Variants in CLSTN2 observed in about 807,000 individuals in gnomAD.
CLSTN2 encodes calsyntenin 2, also known as calsyntenin-2.
Under a neutral mutation model 101.2 loss-of-function variants are expected in CLSTN2, and 48 were observed. The observed-to-expected ratio is 0.47, with a 90% CI of 0.38 to 0.60. The LOEUF is 0.60. Among genes scored for constraint, CLSTN2 ranks in the 20% least tolerant of loss-of-function variants. CLSTN2 has a pLI of 0.00. For missense variants in CLSTN2, 1,160 were observed against 1,238.2 expected, an observed-to-expected ratio of 0.94 and a Z score of 0.95; for synonymous variants, 481 against 463.6, an observed-to-expected ratio of 1.04 and a Z score of -0.48.
intron 1 of CLSTN2, among the ~76,000 whole-genome samples, chr3:140,105,018 G>A (rs1027935744): frequency 1.3e-5 from 2 of 152,126 alleles, no homozygotes; most frequent in African/African-American, 2.4e-5. Context: ...AATTTATGGT[G>A]GTAATATAGA....
intron 1 of CLSTN2, among the ~76,000 whole-genome samples, chr3:140,106,352 T>G (rs1297716758): frequency 6.6e-6 from 1 of 152,182 alleles, no homozygotes; most frequent in Non-Finnish European, 1.5e-5. Context: ...AAGAAAGGCT[T>G]CTTCCCATTG....
intron 1 of CLSTN2, among the ~76,000 whole-genome samples, chr3:140,047,546 A>C (rs2007905357): frequency 6.6e-6 from 1 of 152,178 alleles, no homozygotes; most frequent in Admixed American, 6.5e-5. Context: ...GTTGCTTGTA[A>C]TAGAATTCCT....
At chr3:140,480,706 G>C (rs1274126094) in intron 8 of CLSTN2, among the ~76,000 whole-genome samples, 1 of 152,158 alleles carries the variant, frequency 6.6e-6, no homozygotes, top group Non-Finnish European at 1.5e-5. Context: ...GTGATGATGA[G>C]CATTTTTTCA....
At chr3:139,950,544 A>T (rs1395537981) in intron 1 of CLSTN2, among the ~76,000 whole-genome samples, 1 of 152,230 alleles carries the variant, frequency 6.6e-6, no homozygotes. Flanking sequence ...TGGACCAAAC[A>T]GGATTTTACT....
chr3:140,438,410 C>T (rs1386497027), intron 5 of CLSTN2, among the ~76,000 whole-genome samples: 1 of 89,662 alleles, frequency 1.1e-5, no homozygotes, highest in Non-Finnish European at 1.9e-5. Context: ...CCAGTACCAC[C>T]TAGGAAAATG....
chr3:140,173,987 G>C (rs190812278), intron 1 of CLSTN2, among the ~76,000 whole-genome samples: 5 of 152,160 alleles, frequency 3.3e-5, no homozygotes, highest in South Asian at 2.1e-4. Flanking sequence ...TGGGCTTCTC[G>C]TTACTTATGA....
chr3:140,168,973 G>T (rs577017284), intron 1 of CLSTN2, among the ~76,000 whole-genome samples: 1 of 152,082 alleles, frequency 6.6e-6, no homozygotes, highest in South Asian at 2.1e-4. Flanking sequence ...TTTTAGCTAT[G>T]TCAGGTCTTT....
chr3:140,559,830 G>A (rs1287272353), intron 12 of CLSTN2, among the ~76,000 whole-genome samples: 1 of 152,142 alleles, frequency 6.6e-6, no homozygotes, highest in Non-Finnish European at 1.5e-5. Flanking sequence ...GGTCCCTAGT[G>A]AAGGGGGTAC....
At chr3:140,423,937 A>C (rs766463673) in intron 5 of CLSTN2, among the ~76,000 whole-genome samples, 19 of 152,246 alleles carry the variant, frequency 1.2e-4, no homozygotes, top group Non-Finnish European at 2.4e-4. Flanking sequence ...GACTTGCATC[A>C]GGAATAAAGG....
At chr3:140,356,487 C>T (rs531236218) in intron 2 of CLSTN2, among the ~76,000 whole-genome samples, 4 of 152,114 alleles carry the variant, frequency 2.6e-5, no homozygotes, top group East Asian at 1.9e-4. Flanking sequence ...GGGCTGGGCG[C>T]GGTGGCTCAT....
At chr3:140,490,506 A>G (rs1934332594) in intron 8 of CLSTN2, among the ~76,000 whole-genome samples, 1 of 150,326 alleles carries the variant, frequency 6.7e-6, no homozygotes, top group African/African-American at 2.4e-5. Context: ...TTTGCCCTGG[A>G]CCACTTCAAA....
chr3:140,191,803 G>C, intron 2 of CLSTN2, among the ~76,000 whole-genome samples: 1 of 151,768 alleles, frequency 6.6e-6, no homozygotes, highest in Non-Finnish European at 1.5e-5. Context: ...GGTTTATCAA[G>C]TTTATAAATC....
chr3:140,241,874 T>TACACACACACAC (rs1402235729), intron 2 of CLSTN2, among the ~76,000 whole-genome samples: 923 of 59,806 alleles, frequency 0.015, 10 homozygotes, highest in African/African-American at 0.046. Flanking sequence ...TATACACATA[T>TACACACACACAC]ATATATACAC....
chr3:140,475,229 G>A (rs2107748429), intron 8 of CLSTN2, among the ~76,000 whole-genome samples: 1 of 152,318 alleles, frequency 6.6e-6, no homozygotes, highest in African/African-American at 2.4e-5. Flanking sequence ...AGAGACCACA[G>A]TGAAGTGAAT....
At chr3:140,031,841 T>C (rs941253141) in intron 1 of CLSTN2, among the ~76,000 whole-genome samples, 6 of 152,230 alleles carry the variant, frequency 3.9e-5, no homozygotes, top group Non-Finnish European at 8.8e-5. Flanking sequence ...CAAAGCTGGA[T>C]TCAAACCAGC....
At chr3:140,528,755 C>T (rs1186673150) in intron 8 of CLSTN2, among the ~76,000 whole-genome samples, 3 of 152,208 alleles carry the variant, frequency 2.0e-5, no homozygotes, top group South Asian at 4.1e-4. Flanking sequence ...CCCTAAATTC[C>T]ACCTTCTCCA....
chr3:140,032,003 C>T (rs758171281), intron 1 of CLSTN2, among the ~76,000 whole-genome samples: 11 of 152,210 alleles, frequency 7.2e-5, no homozygotes, highest in East Asian at 1.9e-4. Flanking sequence ...TACTCTGTAG[C>T]GATGGGAACA....
chr3:140,371,134 A>G (rs1015594021), intron 2 of CLSTN2, among the ~76,000 whole-genome samples: 2 of 152,212 alleles, frequency 1.3e-5, no homozygotes, highest in African/African-American at 4.8e-5. Context: ...TTCCCCTGGT[A>G]CTGAAGCTGC....
chr3:140,144,444 C>T (rs1379350917), intron 1 of CLSTN2, among the ~76,000 whole-genome samples: 1 of 152,070 alleles, frequency 6.6e-6, no homozygotes, highest in African/African-American at 2.4e-5. Context: ...CCCATCTCTA[C>T]TAAAAAATAC....
Sources: gnomAD v4.1 joint callset for allele counts (sites outside exome capture counted in the v4.1 genomes callset) on GRCh38, gnomAD v4.1.1 for gene constraint, MANE v1.5 for transcripts, NCBI Gene and HGNC (gene_info 2026-07-23, HGNC 2026-07-21) for gene names.